RYR2: variants seen among roughly 807,000 people sequenced by gnomAD.
RYR2 encodes the protein ryanodine receptor 2, also known as cardiac muscle ryanodine receptor-calcium release channel.
RYR2 carries 227 observed loss-of-function variants against 601.1 expected under a neutral mutation model. The ratio of observed to expected loss-of-function variants is 0.38; its 90% CI spans 0.34 to 0.42. The LOEUF is 0.42. Among genes scored for constraint, RYR2 ranks in the 10% least tolerant of loss-of-function variants. The pLI is 1.00. For synonymous variants in RYR2, 2,223 were observed against 2,175.1 expected (o/e 1.02, Z -0.61); for missense variants, 4,646 against 6,156.5 (o/e 0.75, Z 8.21).
chr1:237,087,353 T>C (rs2148438109), intron 1 of RYR2, among the ~76,000 whole-genome samples: 1 of 151,940 alleles, frequency 6.6e-6, no homozygotes, highest in African/African-American at 2.4e-5. Context: ...CATTTCACTT[T>C]CCTCTCCTCC....
chr1:237,350,992 A>G (rs1558666984), intron 3 of RYR2, among the ~76,000 whole-genome samples: 2 of 152,014 alleles, frequency 1.3e-5, no homozygotes, highest in African/African-American at 4.8e-5. Flanking sequence ...CAGATGGAGC[A>G]TTTACCAAAA....
At chr1:237,622,273 G>A (rs887356726) in intron 38 of RYR2, among the ~76,000 whole-genome samples, 2 of 152,152 alleles carry the variant, frequency 1.3e-5, no homozygotes, top group Non-Finnish European at 2.9e-5. Flanking sequence ...AACCATTAAT[G>A]TTAGCAGCGC....
intron 12 of RYR2, among the ~76,000 whole-genome samples, chr1:237,428,148 T>G (rs561518285): frequency 2.6e-4 from 40 of 152,314 alleles, no homozygotes; most frequent in African/African-American, 9.6e-4. Context: ...TTTACATTGT[T>G]GTTGGGAATA....
intron 14 of RYR2, among the ~76,000 whole-genome samples, chr1:237,446,546 AT>A (rs35142699): frequency 0.37 from 55,911 of 150,998 alleles, 12,498 homozygotes; most frequent in East Asian, 0.65. Flanking sequence ...GAATTGGTAA[AT>A]TTTTTTTTTG....
At chr1:237,751,635 T>C (rs1051475496) in intron 80 of RYR2, among the ~76,000 whole-genome samples, 1 of 152,206 alleles carries the variant, frequency 6.6e-6, no homozygotes, top group Non-Finnish European at 1.5e-5. Context: ...ACACAGTATA[T>C]CTAACGTCAA....
At chr1:237,431,825 T>C (rs1333860243) in intron 12 of RYR2, among the ~76,000 whole-genome samples, 1 of 152,134 alleles carries the variant, frequency 6.6e-6, no homozygotes, top group Non-Finnish European at 1.5e-5. Context: ...AGTGAGTGAA[T>C]GCACCTGGCC....
chr1:237,547,331 A>G (rs1337236071), intron 25 of RYR2, among the ~76,000 whole-genome samples: 1 of 152,030 alleles, frequency 6.6e-6, no homozygotes, highest in Non-Finnish European at 1.5e-5. Flanking sequence ...TTTTAAAAGC[A>G]TTTTCTCATG....
chr1:237,214,700 C>T (rs1346762006), intron 1 of RYR2, among the ~76,000 whole-genome samples: 2 of 152,098 alleles, frequency 1.3e-5, no homozygotes, highest in Non-Finnish European at 2.9e-5. Flanking sequence ...ATTTAATTAC[C>T]ATAACTTTAG....
chr1:237,306,525 G>T (rs1693874044), intron 2 of RYR2, among the ~76,000 whole-genome samples: 1 of 152,100 alleles, frequency 6.6e-6, no homozygotes, highest in Non-Finnish European at 1.5e-5. Context: ...TAATGAGAAT[G>T]GAAAATAACC....
intron 3 of RYR2, among the ~76,000 whole-genome samples, chr1:237,342,090 T>A (rs1697862624): frequency 6.6e-6 from 1 of 152,196 alleles, no homozygotes; most frequent in Non-Finnish European, 1.5e-5. Context: ...ATACAAAATC[T>A]TGTATTTCAT....
At chr1:237,301,089 T>C (rs1693302406) in intron 2 of RYR2, among the ~76,000 whole-genome samples, 1 of 152,146 alleles carries the variant, frequency 6.6e-6, no homozygotes, top group Non-Finnish European at 1.5e-5. Context: ...ATATGCTGAC[T>C]TTGCAGTGCC....
chr1:237,142,228 C>T (rs768692664), intron 1 of RYR2, among the ~76,000 whole-genome samples: 13 of 152,202 alleles, frequency 8.5e-5, no homozygotes, highest in African/African-American at 1.2e-4. Context: ...GCCTGAGCCC[C>T]GCTCTGTCCT....
At chr1:237,733,843 T>C in intron 79 of RYR2, 87 bp downstream of exon 79, 1 of 918,222 alleles carries the variant, frequency 1.1e-6, no homozygotes. Context: ...TCTGTGTATT[T>C]CATTAATTTC....
intron 24 of RYR2, among the ~76,000 whole-genome samples, chr1:237,528,812 G>T (rs1667837221): frequency 6.6e-6 from 1 of 151,982 alleles, no homozygotes; most frequent in Non-Finnish European, 1.5e-5. Flanking sequence ...GTACTGATTT[G>T]CAGTGATAAT....
chr1:237,718,121 G>T (rs7527639), intron 72 of RYR2, among the ~76,000 whole-genome samples: 214 of 152,194 alleles, frequency 1.4e-3, no homozygotes, highest in African/African-American at 4.4e-3. Flanking sequence ...GTTATTAAGG[G>T]CTAAAATGAC....
chr1:237,186,790 T>C (rs1471315801), intron 1 of RYR2, among the ~76,000 whole-genome samples: 1 of 152,248 alleles, frequency 6.6e-6, no homozygotes, highest in Non-Finnish European at 1.5e-5. Context: ...TCGCATCTCC[T>C]TGTGGCTGTG....
intron 2 of RYR2, among the ~76,000 whole-genome samples, chr1:237,312,081 C>T (rs993227683): frequency 2.0e-5 from 3 of 152,090 alleles, no homozygotes; most frequent in Non-Finnish European, 4.4e-5. Context: ...TTTTATGAGG[C>T]TCTGAAGGAA....
At chr1:237,373,554 C>A (rs969055531) in intron 6 of RYR2, among the ~76,000 whole-genome samples, 6 of 152,218 alleles carry the variant, frequency 3.9e-5, no homozygotes, top group African/African-American at 1.4e-4. Context: ...CTACCACATT[C>A]GTCTTTGTAT....
At chr1:237,708,682 G>A (rs1414829757) in intron 68 of RYR2, among the ~76,000 whole-genome samples, 176 bp from the exon 69 acceptor site, 4 of 152,038 alleles carry the variant, frequency 2.6e-5, no homozygotes, top group Non-Finnish European at 4.4e-5. Flanking sequence ...TTTTTTTAAT[G>A]GCAGCTATGC....
Sources: allele counts gnomAD v4.1 joint callset (sites outside exome capture counted in the v4.1 genomes callset), GRCh38; gene constraint gnomAD v4.1.1; transcripts MANE v1.5; gene names NCBI Gene and HGNC (gene_info 2026-07-23, HGNC 2026-07-21).